TNRC6C: variants seen among roughly 807,000 people sequenced by gnomAD.
TNRC6C encodes trinucleotide repeat-containing gene 6C protein.
TNRC6C carries 20 observed loss-of-function variants against 153.7 expected under a neutral mutation model. That is an observed-to-expected ratio of 0.13 (90% CI 0.09 to 0.19). The LOEUF (loss-of-function observed/expected upper bound fraction) is 0.19, where lower values mean the gene tolerates loss of function less well. TNRC6C is among the 10% of genes least tolerant of loss of function. The probability of loss-of-function intolerance (pLI) is 1.00; values close to 1 mark genes in which losing one functional copy is unlikely to be tolerated. For synonymous variants in TNRC6C, 811 were observed against 841.4 expected, an observed-to-expected ratio of 0.96 and a Z score of 0.63; for missense variants, 1,987 against 2,172.0, an observed-to-expected ratio of 0.91 and a Z score of 1.69.
exon 18 of TNRC6C, chr17:78,102,477 C>G: frequency 6.2e-7 from 1 of 1,606,618 alleles, no homozygotes. Context: ...GTTGCAGGTT[C>G]TGCCTGGAGC....
intron 3 of TNRC6C, among the ~76,000 whole-genome samples, chr17:78,063,597 C>T (rs1319530454): frequency 6.6e-6 from 1 of 152,118 alleles, no homozygotes; most frequent in African/African-American, 2.4e-5. Context: ...TCCTGAAAAA[C>T]CCTCCCAGAG....
In TNRC6C at chr17:78,098,671, AG is replaced by A. The variant is rs1359550106; in HGVS notation, c.4501+137del. 5.3e-6 allele frequency: 5 copies of A among 951,928 alleles called. No individual in the cohort carries two copies. The East Asian group carries it at 1.3e-4, about 25-fold the overall frequency. 59.0% of individuals were successfully genotyped at this position (951,928 alleles called of 1,614,324 possible). On this transcript the variant is annotated intron_variant, in intron 17 of 19. Coordinates refer to ENST00000301624, the Ensembl canonical transcript of TNRC6C. The stretch of plus-strand genomic sequence containing the variant: ...GCCTGGGAGGGCTTAGGAGGGCACC[AG>A]GGCCACCCTAGATGTCCATCCAGGG...
chr17:78,068,831 GA>G (rs2072933669), intron 5 of TNRC6C, among the ~76,000 whole-genome samples: 1 of 152,092 alleles, frequency 6.6e-6, no homozygotes, highest in Non-Finnish European at 1.5e-5. Flanking sequence ...CGGTCATCTA[GA>G]AAACACTGAG....
chr17:78,024,914 C>T (rs1235426844), intron 1 of TNRC6C, among the ~76,000 whole-genome samples: 2 of 151,906 alleles, frequency 1.3e-5, no homozygotes, highest in African/African-American at 4.8e-5. Context: ...CTGCCTCAGC[C>T]TCCCGAGTAG....
chr17:78,008,285 T>C (rs1441468369), intron 1 of TNRC6C: 1 of 152,260 alleles, frequency 6.6e-6, no homozygotes, highest in South Asian at 2.1e-4. Flanking sequence ...GGAAGTCTGC[T>C]TTGTAAAATT....
chr17:78,046,392 G>A (rs2072411128), intron 2 of TNRC6C, among the ~76,000 whole-genome samples: 1 of 152,062 alleles, frequency 6.6e-6, no homozygotes, highest in Non-Finnish European at 1.5e-5. Context: ...TGGCCAGGCT[G>A]GTCTCGAACT....
In TNRC6C at chr17:77,959,444, G is replaced by T. The variant is rs1473974205; in HGVS notation, c.-38+176G>T. Among the ~76,000 whole-genome samples the T allele has an allele frequency of 3.3e-5, 5 of 151,724 alleles. No individual in the cohort carries two copies. The East Asian group carries it at 7.7e-4, about 23-fold the overall frequency. On this transcript the variant is annotated intron_variant, in intron 1 of 22. Transcript: ENST00000636222. Reference sequence around the variant, plus strand: ...GGAGCGGCGGGAAGCGGCCGGGGCCGGGGCGCGTGTGTGCTAGTGTGAGAC... The same window carrying T: ...GGAGCGGCGGGAAGCGGCCGGGGCCTGGGCGCGTGTGTGCTAGTGTGAGAC...
chr17:78,050,617 G>C (rs1481161710), exon 3 of TNRC6C: 1 of 1,577,004 alleles, frequency 6.3e-7, no homozygotes, highest in Admixed American at 1.8e-5. Context: ...CGCTGTGCCA[G>C]CAAACACAGG....
intron 1 of TNRC6C, among the ~76,000 whole-genome samples, chr17:77,975,990 A>G (rs2070992304): frequency 6.6e-6 from 1 of 152,178 alleles, no homozygotes; most frequent in Non-Finnish European, 1.5e-5. Context: ...TAGGAATGCC[A>G]CTTATTAGCT....
intron 1 of TNRC6C, among the ~76,000 whole-genome samples, chr17:77,975,083 G>T (rs2070979232): frequency 6.6e-6 from 1 of 152,136 alleles, no homozygotes; most frequent in African/African-American, 2.4e-5. Flanking sequence ...AGGAGGATGA[G>T]AAAAGAAATT....
chr17:77,978,554 G>T (rs1039728373), intron 1 of TNRC6C, among the ~76,000 whole-genome samples: 1 of 152,174 alleles, frequency 6.6e-6, no homozygotes, highest in Admixed American at 6.5e-5. Flanking sequence ...GAGAAGGGAG[G>T]TCTAAAGAGG....
rs150067482 is a variant in TNRC6C at position 78,030,077 on chromosome 17, C to T, written c.-545-1439C>T. 2.9e-3 allele frequency among the ~76,000 whole-genome samples: 435 copies of T among 152,074 alleles called. 2 individuals are homozygous for T. The highest frequency in any genetic ancestry group is 0.01 in the African/African-American group (421 of 41,474). ...TAAAAAGCATAGTAAATACATAAAC[C>T]AGTAATATAGTTATTATGAACCATT... On this transcript the variant is annotated intron_variant, in intron 1 of 19. Transcript: ENST00000301624.
intron 1 of TNRC6C, among the ~76,000 whole-genome samples, chr17:78,030,798 T>C (rs2072056385): frequency 6.6e-6 from 1 of 152,130 alleles, no homozygotes; most frequent in Non-Finnish European, 1.5e-5. Flanking sequence ...TCCCAGTAAT[T>C]GTTAGAAATG....
chr17:78,086,338 A>AC (rs2073285517), intron 11 of TNRC6C, among the ~76,000 whole-genome samples, 165 bp from the exon 14 acceptor site: 2 of 116,442 alleles, frequency 1.7e-5, no homozygotes, highest in South Asian at 2.8e-4. Context: ...TAAAAAAAAA[A>AC]AAAAAAAAAA....
At position 78,069,224 on chromosome 17, in the gene TNRC6C, C is replaced by T. The variant is rs180849662; in HGVS notation, c.2778+1301C>T. On this transcript the variant is annotated intron_variant, in intron 5 of 19. Transcript: ENST00000301624. ...GAAACTGATTTAAAAAAAAAATCAG[C>T]CAGAAACCCAGTAGAAAAAGGAGCA... 9.8e-4 allele frequency among the ~76,000 whole-genome samples: 149 copies of T among 152,010 alleles called. 1 individual carries two copies. The highest frequency in any genetic ancestry group is 3.4e-3 in the African/African-American group (141 of 41,460).
intron 13 of TNRC6C, among the ~76,000 whole-genome samples, chr17:78,089,953 G>A (rs540202300): frequency 2.7e-4 from 41 of 152,260 alleles, no homozygotes; most frequent in African/African-American, 8.9e-4. Context: ...ATGGGTTGGC[G>A]CCAAATTGTG....
chr17:78,093,837 G>A, intron 16 of TNRC6C, 74 bp downstream of exon 18: 1 of 1,578,064 alleles, frequency 6.3e-7, no homozygotes, highest in Non-Finnish European at 8.6e-7. Flanking sequence ...GGGGTGACAG[G>A]TTGGGCTGTG....
In TNRC6C at chr17:78,049,759, G is replaced by T. The variant is rs1464262654; in HGVS notation, c.697G>T (p.Val233Phe). 6.3e-7 allele frequency: 1 copy of T among 1,589,658 alleles called. No homozygotes were observed. The highest frequency in any genetic ancestry group is 2.2e-5 in the East Asian group (1 of 44,638). The change falls in exon 3 of 20, where the codon GTT (valine) becomes TTT (phenylalanine). Residue 233 changes from valine to phenylalanine, a missense_variant. Around this residue, in one of 4 missense-constraint regions of TNRC6C, gnomAD observed 1,052 missense variants for 1,017.0 expected, o/e 1.03. Coordinates refer to ENST00000301624, the Ensembl canonical transcript of TNRC6C. This position sits in a 1 kb window ranked among gnomAD's most constrained non-coding sequence, Gnocchi z 4.1. ...CCTTCCTGGTGCTAATGGATCATCA[G>T]TTTCTCAAGTCAGTGGGGGCAGTGC...
chr17:78,050,809 G>A (rs760509738), exon 3 of TNRC6C: 2 of 1,613,280 alleles, frequency 1.2e-6, no homozygotes, highest in Admixed American at 1.7e-5. Context: ...CCAACACTGG[G>A]GAGATGGACA....
Sources: gnomAD v4.1 joint callset for allele counts (sites outside exome capture counted in the v4.1 genomes callset) on GRCh38, gnomAD v4.1.1 for gene constraint, gnomAD v4.1.1 regional missense constraint, Gnocchi (gnomAD v3.1) non-coding constraint, MANE v1.5 for transcripts, NCBI Gene and HGNC (gene_info 2026-07-23, HGNC 2026-07-21) for gene names.